MAGED1: variants seen among roughly 807,000 people sequenced by gnomAD.
MAGED1 encodes the protein melanoma-associated antigen D1.
Under a neutral mutation model 54.1 loss-of-function variants are expected in MAGED1, and 3 were observed. The observed-to-expected ratio is 0.06, with a 90% CI of 0.03 to 0.14. The LOEUF (loss-of-function observed/expected upper bound fraction) is 0.14, where lower values mean the gene tolerates loss of function less well. Among genes scored for constraint, MAGED1 ranks in the 10% least tolerant of loss-of-function variants. MAGED1 has a pLI of 1.00. For synonymous variants in MAGED1, 217 were observed against 227.3 expected, an observed-to-expected ratio of 0.95 and a Z score of 0.41; for missense variants, 485 against 623.4, an observed-to-expected ratio of 0.78 and a Z score of 2.36.
intron 2 of MAGED1, 182 bp from the exon 3 acceptor site, chrX:51,894,871 T>G: frequency 1.9e-6 from 2 of 1,038,656 alleles, no homozygotes; most frequent in Non-Finnish European, 2.6e-6. Flanking sequence ...ACATGTTTAG[T>G]ACCCGCCTGG....
chrX:51,860,682 A>G (rs192445818), intron 1 of MAGED1, among the ~76,000 whole-genome samples: 190 of 111,063 alleles, frequency 1.7e-3, no homozygotes, highest in African/African-American at 5.8e-3. Flanking sequence ...GTAGTCATCA[A>G]ATACAGAAGT....
chrX:51,863,022 A>T (rs1292667907), intron 1 of MAGED1, among the ~76,000 whole-genome samples: 1 of 111,793 alleles, frequency 8.9e-6, no homozygotes, highest in Non-Finnish European at 1.9e-5. Flanking sequence ...TATGTAATAC[A>T]TTATTACTAA....
At chrX:51,872,045 A>C (rs1178394841) in intron 1 of MAGED1, among the ~76,000 whole-genome samples, 3 of 111,574 alleles carry the variant, frequency 2.7e-5, no homozygotes, top group African/African-American at 9.8e-5. Context: ...GCATTTTTTT[A>C]ATGTGTTTTT....
intron 1 of MAGED1, among the ~76,000 whole-genome samples, chrX:51,852,212 C>T (rs1271525397): frequency 2.7e-5 from 3 of 111,801 alleles, no homozygotes; most frequent in Non-Finnish European, 5.6e-5. Context: ...GCTCCCGTTG[C>T]CATCTCTCCT....
intron 1 of MAGED1, among the ~76,000 whole-genome samples, chrX:51,844,419 G>C (rs1183040633): frequency 8.9e-6 from 1 of 112,371 alleles, no homozygotes; most frequent in Non-Finnish European, 1.9e-5. Context: ...ACAAGAATGA[G>C]AGAAATTGAA....
chrX:51,838,686 A>G (rs1557358158), intron 1 of MAGED1, among the ~76,000 whole-genome samples: 3 of 111,772 alleles, frequency 2.7e-5, no homozygotes, highest in Non-Finnish European at 3.8e-5. Context: ...CTTAGGACCG[A>G]TGAGAAGAAT....
intron 1 of MAGED1, among the ~76,000 whole-genome samples, chrX:51,887,005 A>G (rs1161239688): frequency 9.2e-6 from 1 of 108,735 alleles, no homozygotes; most frequent in Non-Finnish European, 1.9e-5. Flanking sequence ...GCAGTAAGCC[A>G]TGATCGCACC....
intron 1 of MAGED1, among the ~76,000 whole-genome samples, chrX:51,838,239 T>A (rs1377412818): frequency 8.9e-6 from 1 of 112,665 alleles, no homozygotes; most frequent in Non-Finnish European, 1.9e-5. Flanking sequence ...TTCTGTATAG[T>A]TAAGAATCAA....
intron 1 of MAGED1, among the ~76,000 whole-genome samples, chrX:51,863,058 A>C (rs1927334565): frequency 9.0e-6 from 1 of 111,658 alleles, no homozygotes; most frequent in African/African-American, 3.3e-5. Flanking sequence ...TGTACATTAG[A>C]TCTCCAGAAC....
At chrX:51,846,322 G>T (rs1479352438) in intron 1 of MAGED1, among the ~76,000 whole-genome samples, 1 of 111,586 alleles carries the variant, frequency 9.0e-6, no homozygotes, top group Non-Finnish European at 1.9e-5. Context: ...GAAGATACAA[G>T]GTTGGAAGCA....
At position 51,897,248 on chromosome X, in the gene MAGED1, C is replaced by T; in HGVS notation, c.1463C>T (p.Thr488Ile). The change falls in exon 5 of 13, where the codon ACA becomes ATA. Residue 488 changes from threonine to isoleucine, a missense_variant. Coordinates refer to ENST00000326587, the MANE Select transcript of MAGED1 (RefSeq NM_006986.4). ...LVKYLMLKDY[T>I]KVPIKRSEML... ...AAGTACTTGATGCTTAAGGACTACA[C>T]AAAGGTGCCCATCAAGCGCTCAGGT... The T allele has an allele frequency of 5.8e-6, 7 of 1,210,709 alleles. No homozygotes were observed. The highest frequency in any genetic ancestry group is 7.8e-6 in the Non-Finnish European group (7 of 895,135).
intron 1 of MAGED1, among the ~76,000 whole-genome samples, chrX:51,846,573 G>A (rs1926694022): frequency 9.0e-6 from 1 of 111,524 alleles, no homozygotes; most frequent in Non-Finnish European, 1.9e-5. Context: ...CCTGAGACTG[G>A]GTAATTTACA....
At chrX:51,857,558 A>G (rs1404934020) in intron 1 of MAGED1, 1 of 112,287 alleles carries the variant, frequency 8.9e-6, no homozygotes, top group Admixed American at 9.4e-5. Context: ...CAGACCTTCA[A>G]AAACATTAGA....
rs184464642 is a variant in MAGED1 at position 51,853,378 on chromosome X, G to A, written c.-36-40891G>A. On this transcript the variant is annotated intron_variant, in intron 1 of 12. Transcript: ENST00000375772. ...GATTTGCTTCTTTATCTAATTCAAG[G>A]CTCAAGGTTCCCAGGGCAAGTTATG... Among the ~76,000 whole-genome samples, 31 of 112,235 alleles carry A rather than the reference G, an allele frequency of 2.8e-4. No homozygotes were observed. In the East Asian group the frequency reaches 8.1e-3, roughly 29 times the overall value.
At chrX:51,863,787 T>A (rs1257709039) in intron 1 of MAGED1, among the ~76,000 whole-genome samples, 2 of 111,880 alleles carry the variant, frequency 1.8e-5, no homozygotes, top group Non-Finnish European at 3.8e-5. Context: ...TTGGAAAAAA[T>A]GTCTATTCAG....
intron 1 of MAGED1, among the ~76,000 whole-genome samples, chrX:51,820,470 G>A (rs1247288030): frequency 1.1e-4 from 12 of 111,661 alleles, no homozygotes; most frequent in African/African-American, 3.9e-4. Context: ...GTAGTTTTCA[G>A]TGTACAAGTT....
upstream of MAGED1, among the ~76,000 whole-genome samples, chrX:51,891,545 C>A (rs184698871): frequency 8.9e-6 from 1 of 112,776 alleles, no homozygotes; most frequent in Admixed American, 9.3e-5. Flanking sequence ...GCGATTCATT[C>A]ATTTAACAAA....
chrX:51,867,817 C>T (rs1206519915), intron 1 of MAGED1, among the ~76,000 whole-genome samples: 1 of 112,022 alleles, frequency 8.9e-6, no homozygotes, highest in African/African-American at 3.2e-5. Flanking sequence ...GAAGTTCTTC[C>T]ACTTAGAAAC....
At chrX:51,824,272 T>C (rs1925746803) in intron 1 of MAGED1, among the ~76,000 whole-genome samples, 1 of 111,431 alleles carries the variant, frequency 9.0e-6, no homozygotes, top group South Asian at 3.8e-4. Flanking sequence ...TTTTGAAGGA[T>C]AGTTTTACTT....
Sources: gnomAD v4.1 joint callset for allele counts (sites outside exome capture counted in the v4.1 genomes callset) on GRCh38, gnomAD v4.1.1 for gene constraint, MANE v1.5 for transcripts, NCBI Gene and HGNC (gene_info 2026-07-23, HGNC 2026-07-21) for gene names.